Variants in GABRB3 observed in about 807,000 individuals in gnomAD.
The protein encoded by GABRB3 is gamma-aminobutyric acid type A receptor subunit beta3.
GABRB3 carries 14 observed loss-of-function variants against 52.1 expected under a neutral mutation model. That is an observed-to-expected ratio of 0.27 (90% CI 0.18 to 0.42). The LOEUF (loss-of-function observed/expected upper bound fraction) is 0.42. Among genes scored for constraint, GABRB3 ranks in the 10% least tolerant of loss-of-function variants. GABRB3 has a pLI of 1.00. For missense variants in GABRB3, 307 were observed against 609.1 expected, an observed-to-expected ratio of 0.50 and a Z score of 5.22; for synonymous variants, 260 against 232.3, an observed-to-expected ratio of 1.12 and a Z score of -1.08.
intron 3 of GABRB3, among the ~76,000 whole-genome samples, chr15:26,712,129 G>A (rs1022106893): frequency 2.0e-5 from 3 of 152,066 alleles, no homozygotes; most frequent in African/African-American, 7.2e-5. Context: ...GGAAGACTGG[G>A]GAGGATGTGA....
chr15:26,594,095 T>C (rs1891308540), intron 4 of GABRB3, among the ~76,000 whole-genome samples: 1 of 150,212 alleles, frequency 6.7e-6, no homozygotes. Flanking sequence ...TCACACACAT[T>C]AGGATGGCTA....
chr15:26,650,254 C>A (rs1887154632), intron 3 of GABRB3, among the ~76,000 whole-genome samples: 1 of 152,182 alleles, frequency 6.6e-6, no homozygotes, highest in Admixed American at 6.5e-5. Flanking sequence ...GGTTAATGAA[C>A]TCCCTTGGGA....
chr15:26,760,451 C>CT (rs1890783699), intron 3 of GABRB3, among the ~76,000 whole-genome samples: 1 of 152,094 alleles, frequency 6.6e-6, no homozygotes, highest in Non-Finnish European at 1.5e-5. Context: ...AGAGGGTGAG[C>CT]TTGAAAGCTA....
At chr15:26,613,758 A>C (rs1892160541) in intron 4 of GABRB3, 1 of 152,210 alleles carries the variant, frequency 6.6e-6, no homozygotes, top group Non-Finnish European at 1.5e-5. Flanking sequence ...ATAAACTGAC[A>C]AGATAATGTC....
intron 4 of GABRB3, among the ~76,000 whole-genome samples, chr15:26,598,422 A>G (rs971008420): frequency 1.3e-5 from 2 of 152,146 alleles, no homozygotes; most frequent in Non-Finnish European, 2.9e-5. Flanking sequence ...TCACCCCTCC[A>G]CCCCACAGAG....
rs1890540906 is a variant in GABRB3 at position 26,752,484 on chromosome 15, C to T, written c.240+19918G>A. The stretch of plus-strand genomic sequence containing the variant: ...TTCACCGTGTTAGCCAGGATGGTCT[C>T]GATCTCCTGACCTCATGATCCACTC... On this transcript the variant is annotated intron_variant, in intron 3 of 8. Coordinates refer to ENST00000311550, the MANE Select transcript of GABRB3 (RefSeq NM_000814.6). Among the ~76,000 whole-genome samples, 8 of 152,086 alleles carry T rather than the reference C, an allele frequency of 5.3e-5. No individual in the cohort carries two copies. In the South Asian group the frequency reaches 1.7e-3, roughly 32 times the overall value.
intron 6 of GABRB3, among the ~76,000 whole-genome samples, chr15:26,570,411 C>A (rs915385811): frequency 3.3e-5 from 5 of 152,220 alleles, no homozygotes; most frequent in African/African-American, 1.2e-4. Flanking sequence ...CCTCGCGGGC[C>A]TCGCCCTCCT....
Position 26,621,463 on chromosome 15 carries a change from G to T in GABRB3, c.312C>A (p.Leu104=). 2 of 1,614,146 alleles carry T rather than the reference G, an allele frequency of 1.2e-6. No individual in the cohort carries two copies. The highest frequency in any genetic ancestry group is 2.2e-5 in the South Asian group (2 of 91,078). ...CCACTCGATTGTCAAGCGTGAGGTTGAGAGGGATCCCAGAATAGGCGAGCC... is the reference window on the plus strand; with the variant it reads ...CCACTCGATTGTCAAGCGTGAGGTTTAGAGGGATCCCAGAATAGGCGAGCC... ...DKRLAYSGIP[L]NLTLDNRVAD... The change falls in exon 4 of 9, where the codon CTC becomes CTA. Residue 104 remains leucine, a synonymous_variant. Transcript: ENST00000311550. This position sits in a 1 kb window ranked among gnomAD's most constrained non-coding sequence, Gnocchi z 4.1.
chr15:26,562,562 T>A (rs1890030370), intron 7 of GABRB3, among the ~76,000 whole-genome samples: 1 of 152,216 alleles, frequency 6.6e-6, no homozygotes, highest in Non-Finnish European at 1.5e-5. Flanking sequence ...GCCCAGGCCA[T>A]TCTGCACATG....
intron 3 of GABRB3, among the ~76,000 whole-genome samples, chr15:26,622,920 G>A (rs1892541243): frequency 6.6e-6 from 1 of 152,206 alleles, no homozygotes; most frequent in African/African-American, 2.4e-5. Flanking sequence ...AAGTCCAAAT[G>A]GGCTGGACAG....
intron 3 of GABRB3, among the ~76,000 whole-genome samples, chr15:26,670,879 T>C (rs1197921378): frequency 1.3e-5 from 2 of 152,194 alleles, no homozygotes; most frequent in Non-Finnish European, 2.9e-5. Flanking sequence ...TATGAGATAT[T>C]TACTTTTTAA....
chr15:26,764,293 G>A (rs1399508737), intron 3 of GABRB3, among the ~76,000 whole-genome samples: 1 of 139,240 alleles, frequency 7.2e-6, no homozygotes, highest in East Asian at 2.1e-4. Context: ...TTCTTTTATT[G>A]TAGAACTGGG....
chr15:26,583,656 C>T (rs1243634956), intron 4 of GABRB3, among the ~76,000 whole-genome samples: 22 of 151,254 alleles, frequency 1.5e-4, no homozygotes, highest in African/African-American at 5.3e-4. Context: ...TATTTTTAAT[C>T]ATTTATTTTT....
chr15:26,705,945 C>A (rs534080428), intron 3 of GABRB3, among the ~76,000 whole-genome samples: 1 of 152,260 alleles, frequency 6.6e-6, no homozygotes, highest in Admixed American at 6.5e-5. Context: ...CTATTGGGTA[C>A]CATGTTCACC....
At chr15:26,719,998 T>C (rs1420701397) in intron 3 of GABRB3, among the ~76,000 whole-genome samples, 1 of 152,170 alleles carries the variant, frequency 6.6e-6, no homozygotes, top group Non-Finnish European at 1.5e-5. Context: ...AAATGGCCTA[T>C]TCCTGCCTTA....
intron 8 of GABRB3, among the ~76,000 whole-genome samples, chr15:26,559,674 T>C (rs1262919065): frequency 1.3e-5 from 2 of 152,250 alleles, no homozygotes; most frequent in Non-Finnish European, 1.5e-5. Context: ...ACTGCTTTTA[T>C]ATAAGCTGAA....
chr15:26,700,338 T>A (rs1888887036), intron 3 of GABRB3, among the ~76,000 whole-genome samples: 1 of 152,174 alleles, frequency 6.6e-6, no homozygotes, highest in East Asian at 1.9e-4. Flanking sequence ...GAAATTTAAT[T>A]TTTAGATAAA....
At chr15:26,609,800 A>G (rs747111914) in intron 4 of GABRB3, among the ~76,000 whole-genome samples, 1 of 152,214 alleles carries the variant, frequency 6.6e-6, no homozygotes, top group African/African-American at 2.4e-5. Flanking sequence ...CCATAAAAAA[A>G]GTTTAGTTCA....
At chr15:26,670,114 A>G (rs1393266064) in intron 3 of GABRB3, among the ~76,000 whole-genome samples, 1 of 152,216 alleles carries the variant, frequency 6.6e-6, no homozygotes, top group African/African-American at 2.4e-5. Context: ...AGGAGACGCA[A>G]GAAGTCTCCC....
Sources: gnomAD v4.1 joint callset for allele counts (sites outside exome capture counted in the v4.1 genomes callset) on GRCh38, gnomAD v4.1.1 for gene constraint, Gnocchi (gnomAD v3.1) non-coding constraint, MANE v1.5 for transcripts, NCBI Gene and HGNC (gene_info 2026-07-23, HGNC 2026-07-21) for gene names.